Variants in AASDH observed in about 807,000 individuals in gnomAD.
The protein encoded by AASDH is aminoadipate-semialdehyde dehydrogenase.
In AASDH, 81 loss-of-function variants were observed where a neutral mutation model predicts 102.3. The observed-to-expected ratio is 0.79, with a 90% CI of 0.66 to 0.95. The LOEUF (loss-of-function observed/expected upper bound fraction) is 0.95. AASDH is among the 40% of genes least tolerant of loss of function. AASDH has a pLI of 0.00. For missense variants in AASDH, 1,203 were observed against 1,266.2 expected (o/e 0.95, Z 0.76); for synonymous variants, 398 against 454.0 (o/e 0.88, Z 1.57).
chr4:56,365,077 G>A (rs1331622666), intron 5 of AASDH, among the ~76,000 whole-genome samples: 5 of 151,692 alleles, frequency 3.3e-5, no homozygotes, highest in South Asian at 4.2e-4. Context: ...TCCTAGTCTC[G>A]GATAAAATAG....
chr4:56,360,937 C>T (rs752129100), intron 5 of AASDH, among the ~76,000 whole-genome samples: 9 of 152,146 alleles, frequency 5.9e-5, no homozygotes, highest in Non-Finnish European at 1.3e-4. Flanking sequence ...CATGCTCTTA[C>T]CTGTTATGCC....
chr4:56,361,697 T>C (rs1051488617), intron 5 of AASDH, among the ~76,000 whole-genome samples: 1 of 152,182 alleles, frequency 6.6e-6, no homozygotes, highest in Non-Finnish European at 1.5e-5. Flanking sequence ...AGACCATGCA[T>C]GGTGGCTCAT....
At chr4:56,359,712 C>G (rs1049519091) in intron 5 of AASDH, among the ~76,000 whole-genome samples, 2 of 152,080 alleles carry the variant, frequency 1.3e-5, no homozygotes, top group Non-Finnish European at 2.9e-5. Flanking sequence ...GCATGCACCA[C>G]CGTGCCCAGC....
At chr4:56,379,077 C>CG (rs1156705806) in intron 3 of AASDH, among the ~76,000 whole-genome samples, 1 of 151,896 alleles carries the variant, frequency 6.6e-6, no homozygotes, top group Admixed American at 6.6e-5. Flanking sequence ...TTAGCAGAGA[C>CG]GGGGTTTCAC....
At chr4:56,379,321 C>A (rs994132745) in intron 3 of AASDH, among the ~76,000 whole-genome samples, 1 of 152,068 alleles carries the variant, frequency 6.6e-6, no homozygotes, top group South Asian at 2.1e-4. Flanking sequence ...TTAGCAGAGA[C>A]GATGTCTCAC....
At chr4:56,355,818 T>C (rs1560582972) in intron 5 of AASDH, among the ~76,000 whole-genome samples, 2 of 151,994 alleles carry the variant, frequency 1.3e-5, no homozygotes, top group South Asian at 2.1e-4. Context: ...ATGGGGCCTG[T>C]GTTGCCTAGG....
chr4:56,362,188 C>A (rs962906327), intron 5 of AASDH, among the ~76,000 whole-genome samples: 12 of 152,120 alleles, frequency 7.9e-5, no homozygotes, highest in African/African-American at 2.7e-4. Flanking sequence ...TTTTTCCCCC[C>A]ACAGTAACTC....
intron 4 of AASDH, among the ~76,000 whole-genome samples, chr4:56,374,873 TCAAA>T (rs1488205548): frequency 6.6e-6 from 1 of 152,114 alleles, no homozygotes; most frequent in Non-Finnish European, 1.5e-5. Context: ...TTATGCAAAG[TCAAA>T]CAAATCAACT....
chr4:56,366,672 C>T (rs1412908275), intron 5 of AASDH, among the ~76,000 whole-genome samples: 76 of 149,652 alleles, frequency 5.1e-4, no homozygotes, highest in Non-Finnish European at 8.9e-4. Flanking sequence ...ATTCAACAAC[C>T]CTTCATGCTA....
At chr4:56,343,926 C>T (rs752271733) in intron 12 of AASDH, among the ~76,000 whole-genome samples, 8 of 151,974 alleles carry the variant, frequency 5.3e-5, no homozygotes, top group South Asian at 2.1e-4. Context: ...TGTGTCTGGG[C>T]GCACACATCT....
intron 5 of AASDH, chr4:56,356,186 G>C (rs1560583373): frequency 1.4e-6 from 1 of 731,190 alleles, no homozygotes; most frequent in Admixed American, 1.8e-5. Context: ...CCCTGCTGTT[G>C]TGAAGAAGCA....
chr4:56,343,015 C>T (rs1178666745), intron 13 of AASDH, 49 bp from the exon 14 acceptor site: 1 of 1,470,152 alleles, frequency 6.8e-7, no homozygotes, highest in South Asian at 1.4e-5. Flanking sequence ...TCCTACTAAT[C>T]AGTTACCCTT....
At chr4:56,349,003 C>A in intron 11 of AASDH, 1 of 492,574 alleles carries the variant, frequency 2.0e-6, no homozygotes, top group Non-Finnish European at 3.6e-6. Context: ...TCCCATTTTA[C>A]CCACAAGGAA....
At chr4:56,350,467 A>T (rs1282807661) in intron 10 of AASDH, among the ~76,000 whole-genome samples, 1 of 151,956 alleles carries the variant, frequency 6.6e-6, no homozygotes, top group Non-Finnish European at 1.5e-5. Flanking sequence ...AATAATAATA[A>T]TAATAACAAT....
rs1288514263 is a variant in AASDH, at chr4:56,338,688, C to A, written c.3011G>T (p.Cys1004Phe). 3 of 1,614,052 alleles carry A rather than the reference C, an allele frequency of 1.9e-6. No individual in the cohort carries two copies. In the Admixed American group the frequency reaches 5.0e-5, roughly 27 times the overall value. ...FGSHDCFIYC[C>F]NMKGHLQWKF... Reference sequence around the variant, plus strand: ...CCACTGCAGGTGACCTTTCATGTTACAACAGTAGATAAAGCAATCATGGGA... The same window carrying A: ...CCACTGCAGGTGACCTTTCATGTTAAAACAGTAGATAAAGCAATCATGGGA... The change falls in exon 15 of 15, where the codon TGT becomes TTT. Residue 1004 changes from cysteine (C) to phenylalanine (F), a missense_variant. By Grantham distance (205) the Cys-to-Phe change is radical. Transcript: ENST00000205214.
chr4:56,344,215 T>G (rs1748058450), intron 12 of AASDH, among the ~76,000 whole-genome samples: 1 of 152,180 alleles, frequency 6.6e-6, no homozygotes, highest in African/African-American at 2.4e-5. Flanking sequence ...AAAAACGAAT[T>G]TTATTGGATC....
chr4:56,355,593 G>GTTTTT (rs149149581), intron 5 of AASDH, among the ~76,000 whole-genome samples, 170 bp from the exon 6 acceptor site: 7 of 91,868 alleles, frequency 7.6e-5, no homozygotes, highest in East Asian at 3.7e-4. Flanking sequence ...TTATCTTCTT[G>GTTTTT]TTTTTTTTTT....
At chr4:56,369,048 CTGCTGATGACATTCCCAATAACTAT>C (rs1751382902) in intron 5 of AASDH, among the ~76,000 whole-genome samples, 1 of 152,168 alleles carries the variant, frequency 6.6e-6, no homozygotes, top group Admixed American at 6.5e-5. Context: ...CAAATGTGAT[CTGCTGATGACATTCCCAATAACTAT>C]TGTGAGATAA....
At chr4:56,356,839 TG>T in intron 5 of AASDH, 1 of 839,790 alleles carries the variant, frequency 1.2e-6, no homozygotes. Flanking sequence ...CCACCGTCAC[TG>T]GGGCGGCAAT....
Sources: gnomAD v4.1 joint callset for allele counts (sites outside exome capture counted in the v4.1 genomes callset) on GRCh38, gnomAD v4.1.1 for gene constraint, MANE v1.5 for transcripts, NCBI Gene and HGNC (gene_info 2026-07-23, HGNC 2026-07-21) for gene names.